FHIT: variants seen among roughly 807,000 people sequenced by gnomAD.
The protein encoded by FHIT is bis(5'-adenosyl)-triphosphatase.
Under a neutral mutation model 17.9 loss-of-function variants are expected in FHIT, and 19 were observed. The ratio of observed to expected loss-of-function variants is 1.06; its 90% confidence interval spans 0.74 to 1.56. The LOEUF is 1.56. Among genes scored for constraint, FHIT ranks in the 40% most tolerant of loss-of-function variants. The pLI is 0.00. For missense variants in FHIT, 248 were observed against 189.2 expected (o/e 1.31, Z -1.82); for synonymous variants, 81 against 69.7 (o/e 1.16, Z -0.81).
chr3:60,726,579 A>C (rs1317222361), intron 4 of FHIT, among the ~76,000 whole-genome samples: 2 of 152,082 alleles, frequency 1.3e-5, no homozygotes, highest in Non-Finnish European at 2.9e-5. Flanking sequence ...AATTCAAATA[A>C]CTTTATGGCA....
At chr3:60,556,171 C>G (rs1205638419) in intron 4 of FHIT, among the ~76,000 whole-genome samples, 1 of 152,132 alleles carries the variant, frequency 6.6e-6, no homozygotes, top group African/African-American at 2.4e-5. Flanking sequence ...TCTGGGTGAT[C>G]CGTCTATATA....
At chr3:60,565,288 T>C (rs1459098800) in intron 4 of FHIT, among the ~76,000 whole-genome samples, 1 of 152,156 alleles carries the variant, frequency 6.6e-6, no homozygotes, top group Non-Finnish European at 1.5e-5. Context: ...GAACCCATAA[T>C]ATCTTTGAGG....
chr3:59,912,973 G>T (rs1704955004), intron 8 of FHIT, among the ~76,000 whole-genome samples: 1 of 152,186 alleles, frequency 6.6e-6, no homozygotes, highest in Admixed American at 6.5e-5. Context: ...GGATGACCTT[G>T]GGAATTTTAG....
chr3:60,795,527 A>G (rs6809918), intron 4 of FHIT, among the ~76,000 whole-genome samples: 68,690 of 148,504 alleles, frequency 0.46, 16,938 homozygotes, highest in African/African-American at 0.59. Context: ...TTTTTAAGAC[A>G]GGGTCTTACT....
chr3:60,695,599 T>C (rs1231318886), intron 4 of FHIT, among the ~76,000 whole-genome samples: 1 of 152,116 alleles, frequency 6.6e-6, no homozygotes, highest in Non-Finnish European at 1.5e-5. Context: ...CACTGGCTGC[T>C]TTGGGAGGAT....
intron 5 of FHIT, among the ~76,000 whole-genome samples, chr3:60,117,777 G>C (rs1416500371): frequency 6.6e-6 from 1 of 150,788 alleles, no homozygotes; most frequent in African/African-American, 2.4e-5. Flanking sequence ...AGAAGATGTA[G>C]GACTATAGAG....
At chr3:60,551,269 C>G (rs1427304317) in intron 4 of FHIT, among the ~76,000 whole-genome samples, 5 of 150,664 alleles carry the variant, frequency 3.3e-5, no homozygotes, top group African/African-American at 9.8e-5. Context: ...AACAAAGATT[C>G]AAGCTCCAGA....
intron 4 of FHIT, among the ~76,000 whole-genome samples, chr3:60,578,192 A>G (rs2037633873): frequency 6.6e-6 from 1 of 152,076 alleles, no homozygotes; most frequent in African/African-American, 2.4e-5. Flanking sequence ...TAATCCCAGC[A>G]CTTTGGGAGG....
chr3:60,163,695 C>T (rs950351701), intron 5 of FHIT, among the ~76,000 whole-genome samples: 7 of 152,108 alleles, frequency 4.6e-5, no homozygotes, highest in South Asian at 4.1e-4. Flanking sequence ...CATTTGGGGC[C>T]GGGTGATTCT....
At chr3:60,270,007 ACG>A (rs1319014454) in intron 5 of FHIT, among the ~76,000 whole-genome samples, 2 of 152,110 alleles carry the variant, frequency 1.3e-5, no homozygotes, top group African/African-American at 4.8e-5. Flanking sequence ...GCCTCATACG[ACG>A]CCAGAACTAA....
At chr3:60,673,613 A>C (rs1024107390) in intron 4 of FHIT, among the ~76,000 whole-genome samples, 5 of 152,184 alleles carry the variant, frequency 3.3e-5, no homozygotes, top group African/African-American at 9.7e-5. Flanking sequence ...TAGGTACAGC[A>C]AACCACCATG....
chr3:60,557,414 A>G (rs1339272905), intron 4 of FHIT, among the ~76,000 whole-genome samples: 1 of 152,088 alleles, frequency 6.6e-6, no homozygotes, highest in Non-Finnish European at 1.5e-5. Flanking sequence ...AAAAAAAAAA[A>G]TAGACATGAT....
At chr3:60,321,638 C>T (rs1021285774) in intron 5 of FHIT, among the ~76,000 whole-genome samples, 10 of 152,190 alleles carry the variant, frequency 6.6e-5, no homozygotes, top group African/African-American at 2.4e-4. Flanking sequence ...AGGATCTCCT[C>T]TCTCTGTATA....
intron 1 of FHIT, among the ~76,000 whole-genome samples, chr3:61,226,328 G>A (rs2039970063): frequency 6.6e-6 from 1 of 152,140 alleles, no homozygotes; most frequent in African/African-American, 2.4e-5. Flanking sequence ...CTGCAGTTCT[G>A]AGAGCAGATG....
At chr3:60,467,988 T>C (rs571513775) in intron 5 of FHIT, among the ~76,000 whole-genome samples, 1 of 152,152 alleles carries the variant, frequency 6.6e-6, no homozygotes, top group East Asian at 1.9e-4. Context: ...GTTGGGTGCA[T>C]ATATATTTAC....
chr3:59,747,536 C>A lies in FHIT; in HGVS notation c.*2049G>T, dbSNP rs1628424. On this transcript the variant is annotated 3_prime_UTR_variant, in exon 10 of 10. Transcript: ENST00000492590. ...AGATGAGATGTGGGTGGGGAAACAGCCAAATCGTATAACTAGGTATGTCCA... is the reference window on the plus strand; with the variant it reads ...AGATGAGATGTGGGTGGGGAAACAGACAAATCGTATAACTAGGTATGTCCA... Among the ~76,000 whole-genome samples the A allele has an allele frequency of 0.16, 24,932 of 151,994 alleles. 2,411 individuals carry two copies. The highest frequency in any genetic ancestry group is 0.28 in the African/African-American group (11,413 of 41,432).
At chr3:60,094,524 C>T (rs1703859730) in intron 5 of FHIT, among the ~76,000 whole-genome samples, 1 of 152,188 alleles carries the variant, frequency 6.6e-6, no homozygotes, top group African/African-American at 2.4e-5. Flanking sequence ...CACTCAGATC[C>T]ATTTCACTGT....
chr3:60,360,017 G>C (rs1310271917), intron 5 of FHIT, among the ~76,000 whole-genome samples: 1 of 116,820 alleles, frequency 8.6e-6, no homozygotes, highest in Non-Finnish European at 1.8e-5. Flanking sequence ...TTTTCATTCT[G>C]TAAGGAAAGG....
At position 59,901,095 on chromosome 3, in the gene FHIT, T is replaced by C. The variant is rs1704310067; in HGVS notation, c.348+21251A>G. On this transcript the variant is annotated intron_variant, in intron 8 of 9. Transcript: ENST00000492590. ...TTGTTTCTGTTCTCATTTAATCCTGTTTTCCTTCACAGGATTAAGTCTGCT... is the reference window on the plus strand; with the variant it reads ...TTGTTTCTGTTCTCATTTAATCCTGCTTTCCTTCACAGGATTAAGTCTGCT... Among the ~76,000 whole-genome samples the C allele has an allele frequency of 2.6e-5, 4 of 152,220 alleles. No individual in the cohort carries two copies. The South Asian group carries it at 8.3e-4, about 31-fold the overall frequency.
Sources: gnomAD v4.1 joint callset for allele counts (sites outside exome capture counted in the v4.1 genomes callset) on GRCh38, gnomAD v4.1.1 for gene constraint, MANE v1.5 for transcripts, NCBI Gene and HGNC (gene_info 2026-07-23, HGNC 2026-07-21) for gene names.